The following FNTA variants were observed in gnomAD, a reference collection of about 807,000 sequenced individuals.
The protein encoded by FNTA is farnesyltransferase, CAAX box, subunit alpha.
A neutral mutation model predicts 55.2 loss-of-function variants in FNTA; 27 were observed. That is an observed-to-expected ratio of 0.49 (90% confidence interval 0.36 to 0.67). The LOEUF (loss-of-function observed/expected upper bound fraction) is 0.67, where lower values mean the gene tolerates loss of function less well. Among genes scored for constraint, FNTA ranks in the 30% least tolerant of loss-of-function variants. The pLI, the probability that FNTA is intolerant of heterozygous loss-of-function variation, is 0.00. For missense variants in FNTA, 422 were observed against 464.7 expected (o/e 0.91, Z 0.85); for synonymous variants, 176 against 170.7 (o/e 1.03, Z -0.24).
intron 7 of FNTA, among the ~76,000 whole-genome samples, chr8:43,083,928 C>CT (rs1159373407): frequency 6.6e-6 from 1 of 152,170 alleles, no homozygotes; most frequent in Admixed American, 6.5e-5. Context: ...TACAAATTAG[C>CT]TGAGCATGTT....
intron 1 of FNTA, among the ~76,000 whole-genome samples, chr8:43,058,462 A>G (rs1810461925): frequency 6.6e-6 from 1 of 152,200 alleles, no homozygotes; most frequent in African/African-American, 2.4e-5. Flanking sequence ...AATGAGTTAG[A>G]TTGATTTCTA....
intron 1 of FNTA, among the ~76,000 whole-genome samples, chr8:43,058,032 G>T (rs1810451118): frequency 6.6e-6 from 1 of 151,986 alleles, no homozygotes; most frequent in Non-Finnish European, 1.5e-5. Context: ...CACTGGGTAG[G>T]TAGTTCACAG....
intron 2 of FNTA, chr8:43,063,185 ATCC>A: frequency 2.2e-6 from 1 of 444,710 alleles, no homozygotes; most frequent in South Asian, 1.6e-5. Context: ...GGCTCAAGCG[ATCC>A]TCCTACCTCT....
chr8:43,061,298 A>C (rs1387598041), intron 2 of FNTA, among the ~76,000 whole-genome samples: 2 of 152,230 alleles, frequency 1.3e-5, no homozygotes, highest in Non-Finnish European at 2.9e-5. Context: ...AAAAGCACAG[A>C]CTTTGGAGCC....
chr8:43,060,247 C>T (rs150320701), intron 2 of FNTA, among the ~76,000 whole-genome samples: 21 of 152,202 alleles, frequency 1.4e-4, no homozygotes, highest in African/African-American at 5.1e-4. Context: ...GAGATATTAA[C>T]CTTACTAGTG....
chr8:43,065,702 T>C (rs1280032553), intron 3 of FNTA, among the ~76,000 whole-genome samples: 1 of 151,438 alleles, frequency 6.6e-6, no homozygotes, highest in African/African-American at 2.5e-5. Flanking sequence ...CATTTTTCTC[T>C]TCACCAATTG....
At chr8:43,059,010 A>ATT in intron 1 of FNTA, 82 bp from the exon 2 acceptor site, 2 of 1,005,460 alleles carry the variant, frequency 2.0e-6, no homozygotes, top group Non-Finnish European at 3.0e-6. Flanking sequence ...TGTAACTGTA[A>ATT]TTATTGTCAT....
In FNTA at chr8:43,066,703, C is replaced by T. The variant is rs187068989; in HGVS notation, c.401+2488C>T. 2.5e-3 allele frequency among the ~76,000 whole-genome samples: 379 copies of T among 152,102 alleles called. 2 individuals carry two copies. Among genetic ancestry groups the T allele is most frequent in the South Asian group, 0.011 (53 of 4,822 alleles). Reference sequence around the variant, plus strand: ...AATGGTTGGTAATTCTTGACTTTCTCTTTATGCGTATAAGAGAGACAGGAA... The same window carrying T: ...AATGGTTGGTAATTCTTGACTTTCTTTTTATGCGTATAAGAGAGACAGGAA... On this transcript the variant is annotated intron_variant, in intron 3 of 8. Coordinates refer to ENST00000302279, the MANE Select transcript of FNTA (RefSeq NM_002027.3).
chr8:43,066,273 T>C (rs1196829413), intron 3 of FNTA, among the ~76,000 whole-genome samples: 2 of 150,912 alleles, frequency 1.3e-5, no homozygotes, highest in East Asian at 1.9e-4. Context: ...TTTTTTTTTT[T>C]TGAGACAGAG....
At chr8:43,076,649 G>A (rs1810917918) in intron 5 of FNTA, 1 of 152,200 alleles carries the variant, frequency 6.6e-6, no homozygotes, top group African/African-American at 2.4e-5. Context: ...AGCCCGAGGT[G>A]GGCGGATCAC....
At chr8:43,058,789 T>TAA (rs1810469470) in intron 1 of FNTA, among the ~76,000 whole-genome samples, 1 of 151,800 alleles carries the variant, frequency 6.6e-6, no homozygotes, top group East Asian at 1.9e-4. Flanking sequence ...AAAAATAAAA[T>TAA]AAAAAAAAGT....
At chr8:43,078,973 G>C (rs1255412107) in intron 6 of FNTA, 2 of 152,400 alleles carry the variant, frequency 1.3e-5, no homozygotes, top group Non-Finnish European at 2.9e-5. Flanking sequence ...ATTCCCTTAA[G>C]CCAAAGCCTA....
At chr8:43,057,940 G>A (rs1228047586) in intron 1 of FNTA, among the ~76,000 whole-genome samples, 2 of 144,762 alleles carry the variant, frequency 1.4e-5, no homozygotes, top group South Asian at 2.1e-4. Flanking sequence ...GCCTGGACAA[G>A]AGCGTGACTC....
rs759691949 is a variant in FNTA at position 43,085,181 on chromosome 8, G to C, written c.1039G>C (p.Glu347Gln). Residue 347 changes from glutamate to glutamine, a missense_variant, in exon 9 of 9, where the codon GAA (glutamate) becomes CAA (glutamine). This residue lies in a region of FNTA where 262 missense variants were observed against 343.1 expected (regional missense o/e 0.76). Coordinates refer to ENST00000302279, the MANE Select transcript of FNTA (RefSeq NM_002027.3). ...ALELCEILAK[E>Q]KDTIRKEYWR... ...TCAGTTATGTGAAATCCTAGCTAAA[G>C]AAAAGGACACTATAAGAAAGGAATA... 3.2e-6 allele frequency: 5 copies of C among 1,556,894 alleles called. No individual in the cohort carries two copies. In the South Asian group the frequency reaches 5.9e-5, roughly 18 times the overall value.
intron 3 of FNTA, among the ~76,000 whole-genome samples, chr8:43,064,951 C>T (rs1214978371): frequency 1.3e-5 from 2 of 151,590 alleles, no homozygotes; most frequent in Non-Finnish European, 2.9e-5. Flanking sequence ...ATTTTCCTGC[C>T]TCAGCCTCCC....
At chr8:43,069,534 G>A in intron 3 of FNTA, 21 bp from the exon 4 acceptor site, 1 of 1,455,786 alleles carries the variant, frequency 6.9e-7, no homozygotes. Context: ...TGCGACTTTG[G>A]ATGTTGTATG....
chr8:43,084,217 CTTT>C (rs965185730), intron 7 of FNTA, among the ~76,000 whole-genome samples: 3 of 131,532 alleles, frequency 2.3e-5, no homozygotes, highest in African/African-American at 5.8e-5. Flanking sequence ...TGTAATTATC[CTTT>C]TTTTTTTTTT....
intron 3 of FNTA, among the ~76,000 whole-genome samples, chr8:43,065,277 C>T (rs1442470897): frequency 2.7e-5 from 4 of 150,256 alleles, no homozygotes; most frequent in East Asian, 3.9e-4. Context: ...GATGGAGTTT[C>T]GCTCTTGTTG....
chr8:43,065,537 G>GCC lies in FNTA; in HGVS notation c.401+1322_401+1323insCC, dbSNP rs1563326678. ...ACTGGGATTATAGGCGTGAGCCACTGTGCACGGCTGCTGACCCACATTTAA... is the reference window on the plus strand; with the variant it reads ...ACTGGGATTATAGGCGTGAGCCACTGCCTGCACGGCTGCTGACCCACATTTAA... On this transcript the variant is annotated intron_variant, in intron 3 of 8. Transcript: ENST00000302279. 7.6e-4 allele frequency among the ~76,000 whole-genome samples: 112 copies of GCC among 147,436 alleles called. 1 individual carries two copies. The highest frequency in any genetic ancestry group is 2.9e-3 in the African/African-American group (107 of 36,970).
Sources: allele counts gnomAD v4.1 joint callset (sites outside exome capture counted in the v4.1 genomes callset), GRCh38; gene constraint gnomAD v4.1.1; regional missense constraint gnomAD v4.1.1; transcripts MANE v1.5; gene names NCBI Gene and HGNC (gene_info 2026-07-23, HGNC 2026-07-21).